Variants in TENM2 observed in about 807,000 individuals in gnomAD.
TENM2 encodes the protein teneurin-2.
Under a neutral mutation model 245.2 loss-of-function variants are expected in TENM2, and 52 were observed. The ratio of observed to expected loss-of-function variants is 0.21; its 90% CI spans 0.17 to 0.27. The LOEUF is 0.27. TENM2 is among the 10% of genes least tolerant of loss of function. TENM2 has a pLI of 1.00. For missense variants in TENM2, 3,046 were observed against 3,666.8 expected (o/e 0.83, Z 4.37); for synonymous variants, 1,363 against 1,438.9 (o/e 0.95, Z 1.19).
At chr5:167,717,373 G>A (rs1399281604) in intron 2 of TENM2, among the ~76,000 whole-genome samples, 3 of 151,988 alleles carry the variant, frequency 2.0e-5, no homozygotes, top group Admixed American at 6.6e-5. Flanking sequence ...CCCGCTACCC[G>A]CCTCACTTTA....
chr5:167,129,663 G>T, the TENM2 span, among the ~76,000 whole-genome samples: 2 of 152,156 alleles, frequency 1.3e-5, no homozygotes, highest in African/African-American at 4.8e-5. Flanking sequence ...ATGAGGTGAT[G>T]CATGGGAAAA....
At chr5:168,011,541 A>G (rs904226994) in intron 5 of TENM2, among the ~76,000 whole-genome samples, 1 of 152,166 alleles carries the variant, frequency 6.6e-6, no homozygotes, top group South Asian at 2.1e-4. Flanking sequence ...ACATCTTCAG[A>G]TATATTTTTT....
At chr5:167,245,634 A>G in the TENM2 span, among the ~76,000 whole-genome samples, 2 of 152,176 alleles carry the variant, frequency 1.3e-5, no homozygotes, top group African/African-American at 4.8e-5. Flanking sequence ...GTATAGGACA[A>G]TGGTTCAATA....
the TENM2 span, among the ~76,000 whole-genome samples, chr5:167,243,846 G>T: frequency 3.3e-5 from 5 of 152,092 alleles, no homozygotes; most frequent in African/African-American, 1.2e-4. Context: ...AAGTATCTCT[G>T]CCCACCTCCT....
rs373452807 is a variant in TENM2 at position 167,907,379 on chromosome 5, C to T, written c.712+31184C>T. On this transcript the variant is annotated intron_variant, in intron 3 of 28. Coordinates refer to ENST00000518659, the Ensembl canonical transcript of TENM2. ...GACCCTTGTTTACAAAGCATTGTAT[C>T]GAAAGGTGAACATTGTCATTTTAAA... Among the ~76,000 whole-genome samples, 34 of 150,972 alleles carry T rather than the reference C, an allele frequency of 2.3e-4. No homozygotes were observed. The East Asian group carries it at 3.1e-3, about 14-fold the overall frequency.
the TENM2 span, among the ~76,000 whole-genome samples, chr5:167,136,724 C>G: frequency 0.23 from 35,123 of 152,128 alleles, 7,307 homozygotes; most frequent in African/African-American, 0.56. Context: ...TCTTCCATCT[C>G]ATCAAATTCC....
At chr5:167,657,609 T>G (rs1467909544) in intron 2 of TENM2, among the ~76,000 whole-genome samples, 1 of 152,206 alleles carries the variant, frequency 6.6e-6, no homozygotes, top group Non-Finnish European at 1.5e-5. Context: ...ACAATGTCAT[T>G]TAGAGCAGAG....
chr5:167,478,308 C>G (rs555243965), intron 2 of TENM2, among the ~76,000 whole-genome samples: 1 of 152,138 alleles, frequency 6.6e-6, no homozygotes, highest in African/African-American at 2.4e-5. Flanking sequence ...TGTGGTTTAA[C>G]TCATTGTGAT....
chr5:168,158,850 TAC>T lies in TENM2; in HGVS notation c.2423-3743_2423-3742del, dbSNP rs764713880. ...GTGTGTATATATATATATATATATATACACACACACACACACACATATATATG... is the reference window on the plus strand; with the variant it reads ...GTGTGTATATATATATATATATATATACACACACACACACACATATATATG... On this transcript the variant is annotated intron_variant, in intron 12 of 28. Transcript: ENST00000518659. Among the ~76,000 whole-genome samples the T allele has an allele frequency of 5.4e-3, 338 of 62,310 alleles. 3 individuals carry two copies. Among genetic ancestry groups the T allele is most frequent in the Middle Eastern group, 0.029 (3 of 104 alleles). 40.9% of individuals were successfully genotyped at this position (62,310 alleles called of 152,430 possible).
the TENM2 span, among the ~76,000 whole-genome samples, chr5:167,025,297 C>T: frequency 2.0e-5 from 3 of 152,052 alleles, no homozygotes; most frequent in Non-Finnish European, 4.4e-5. Context: ...CTTTGGAATC[C>T]AGTGTGTATT....
chr5:167,605,386 G>C (rs372492059), intron 2 of TENM2, among the ~76,000 whole-genome samples: 1 of 152,032 alleles, frequency 6.6e-6, no homozygotes, highest in African/African-American at 2.4e-5. Flanking sequence ...ATAAACATTC[G>C]ATGTTGAGCA....
At position 168,157,131 on chromosome 5, in the gene TENM2, C is replaced by T. The variant is rs1757256463; in HGVS notation, c.2423-5480C>T. On this transcript the variant is annotated intron_variant, in intron 12 of 28. Coordinates refer to ENST00000518659, the Ensembl canonical transcript of TENM2. ...AAGGATAAAGATGCCATGACTGGTG[C>T]TGCTGGCATGAGCTTGGGAGCTTTG... Among the ~76,000 whole-genome samples the T allele has an allele frequency of 2.6e-5, 4 of 152,124 alleles. No individual in the cohort carries two copies. In the South Asian group the frequency reaches 8.3e-4, roughly 32 times the overall value.
intron 4 of TENM2, among the ~76,000 whole-genome samples, chr5:167,960,979 G>A (rs1171932936): frequency 1.3e-5 from 2 of 152,184 alleles, no homozygotes; most frequent in Admixed American, 6.5e-5. Context: ...TGTGCTTCCT[G>A]GGTGAGGCGA....
intron 2 of TENM2, among the ~76,000 whole-genome samples, chr5:167,689,237 G>A (rs1453067154): frequency 6.6e-6 from 1 of 152,160 alleles, no homozygotes; most frequent in Non-Finnish European, 1.5e-5. Context: ...AAAGAGGAGT[G>A]GGCAGGAAGA....
chr5:168,100,545 T>C (rs559971689), intron 9 of TENM2, among the ~76,000 whole-genome samples: 1 of 152,240 alleles, frequency 6.6e-6, no homozygotes, highest in African/African-American at 2.4e-5. Flanking sequence ...CACGAAATAC[T>C]ATGCAGCCAT....
intron 2 of TENM2, among the ~76,000 whole-genome samples, chr5:167,643,514 C>T (rs534076524): frequency 6.6e-6 from 1 of 152,156 alleles, no homozygotes; most frequent in East Asian, 1.9e-4. Flanking sequence ...ATAAAAAAGG[C>T]TATAAATAAA....
At chr5:168,105,293 C>T (rs1215614205) in intron 9 of TENM2, among the ~76,000 whole-genome samples, 1 of 152,164 alleles carries the variant, frequency 6.6e-6, no homozygotes, top group Non-Finnish European at 1.5e-5. Flanking sequence ...GGATTGGGTT[C>T]AGCCAGGCAG....
intron 5 of TENM2, among the ~76,000 whole-genome samples, chr5:168,003,343 ACACC>A (rs72284036): frequency 0.23 from 24,425 of 104,602 alleles, 2,310 homozygotes; most frequent in African/African-American, 0.35. Context: ...ACACACACAC[ACACC>A]CCCAAAGCTG....
chr5:168,064,520 C>A (rs1457820008), intron 7 of TENM2, among the ~76,000 whole-genome samples: 1 of 152,178 alleles, frequency 6.6e-6, no homozygotes, highest in Non-Finnish European at 1.5e-5. Flanking sequence ...GGACAGCAGG[C>A]AGAAGCATAC....
Sources: gnomAD v4.1 joint callset for allele counts (sites outside exome capture counted in the v4.1 genomes callset) on GRCh38, gnomAD v4.1.1 for gene constraint, MANE v1.5 for transcripts, NCBI Gene and HGNC (gene_info 2026-07-23, HGNC 2026-07-21) for gene names.